Variants in INPP4B observed in about 807,000 individuals in gnomAD.
The protein encoded by INPP4B is inositol polyphosphate 4-phosphatase type II.
Under a neutral mutation model 122.5 loss-of-function variants are expected in INPP4B, and 55 were observed. The ratio of observed to expected loss-of-function variants is 0.45; its 90% confidence interval spans 0.36 to 0.56. The LOEUF (loss-of-function observed/expected upper bound fraction) is 0.56. INPP4B is among the 20% of genes least tolerant of loss of function. INPP4B has a pLI of 0.00. For synonymous variants in INPP4B, 403 were observed against 388.7 expected (o/e 1.04, Z -0.43); for missense variants, 1,000 against 1,097.7 (o/e 0.91, Z 1.26).
At chr4:142,429,353 A>G in intron 4 of INPP4B, 136 bp from the exon 5 acceptor site, 1 of 555,080 alleles carries the variant, frequency 1.8e-6, no homozygotes, top group Non-Finnish European at 3.2e-6. Context: ...TTGGTTTATC[A>G]GGGTTATAAA....
chr4:142,395,646 G>A (rs1799130085), intron 7 of INPP4B, among the ~76,000 whole-genome samples: 1 of 152,068 alleles, frequency 6.6e-6, no homozygotes, highest in African/African-American at 2.4e-5. Context: ...GCCAAGATGT[G>A]GAGACAACCT....
rs1162339043 is a variant in INPP4B at position 142,355,878 on chromosome 4, A to G, written c.373-41116T>C. On this transcript the variant is annotated intron_variant, in intron 7 of 25. Coordinates refer to ENST00000262992, the MANE Select transcript of INPP4B (RefSeq NM_001101669.3). ...GAGAGAAGCCTTTTTTTTTTTTAAC[A>G]TAAGGATAGCTTTGATCACTTCTTC... is the stretch of plus-strand genomic sequence containing the variant. 2.7e-5 allele frequency among the ~76,000 whole-genome samples: 4 copies of G among 150,874 alleles called. No homozygotes were observed. The East Asian group carries it at 5.9e-4, about 22-fold the overall frequency.
chr4:142,441,459 T>C (rs1004111660), intron 3 of INPP4B, among the ~76,000 whole-genome samples: 1 of 152,172 alleles, frequency 6.6e-6, no homozygotes, highest in Admixed American at 6.5e-5. Flanking sequence ...TAGTCAAGGA[T>C]AGTTAATTTA....
intron 2 of INPP4B, among the ~76,000 whole-genome samples, chr4:142,677,318 G>GCAAT (rs1757957709): frequency 6.6e-6 from 1 of 152,080 alleles, no homozygotes; most frequent in Non-Finnish European, 1.5e-5. Context: ...AGTTAGAATG[G>GCAAT]CAATCATTAA....
chr4:142,543,366 T>C (rs747440710), intron 2 of INPP4B, among the ~76,000 whole-genome samples: 6 of 152,188 alleles, frequency 3.9e-5, no homozygotes, highest in Non-Finnish European at 8.8e-5. Flanking sequence ...TGTTTCCAAG[T>C]AAATGAACTT....
chr4:142,123,682 C>T lies in INPP4B; in HGVS notation c.1894-267G>A, dbSNP rs138973260. The stretch of plus-strand genomic sequence containing the variant: ...ATAGGTCTTCAAATCTTATATCTAC[C>T]ATTTCTAACAGTAAATTCATAAACA... On this transcript the variant is annotated intron_variant, in intron 19 of 25. Transcript: ENST00000262992. Among the ~76,000 whole-genome samples the T allele has an allele frequency of 1.6e-4, 24 of 152,170 alleles. No individual in the cohort carries two copies. The South Asian group carries it at 4.1e-3, about 26-fold the overall frequency.
Position 142,358,260 on chromosome 4 carries a change from C to T in INPP4B, c.373-43498G>A, listed in dbSNP as rs567939821. ...TTATCTGAGGAATTTTTTAAAAATA[C>T]ATAGGCTTTATTCTAGAGGTATGCA... is the stretch of plus-strand genomic sequence containing the variant. On this transcript the variant is annotated intron_variant, in intron 7 of 25. Transcript: ENST00000262992. Among the ~76,000 whole-genome samples the T allele has an allele frequency of 6.6e-5, 10 of 152,002 alleles. No homozygotes were observed. In the South Asian group the frequency reaches 1.9e-3, roughly 28 times the overall value.
chr4:142,524,071 G>C (rs1194855201), intron 2 of INPP4B, among the ~76,000 whole-genome samples: 1 of 151,176 alleles, frequency 6.6e-6, no homozygotes, highest in Non-Finnish European at 1.5e-5. Flanking sequence ...TGGACATTTG[G>C]GATGGTTCCA....
At chr4:142,836,002 T>C (rs921090784) in intron 1 of INPP4B, among the ~76,000 whole-genome samples, 1 of 152,006 alleles carries the variant, frequency 6.6e-6, no homozygotes, top group African/African-American at 2.4e-5. Context: ...GAGTGAAGCA[T>C]GAAAAAAGAA....
chr4:142,538,030 T>G (rs931310603), intron 2 of INPP4B, among the ~76,000 whole-genome samples: 4 of 152,018 alleles, frequency 2.6e-5, no homozygotes, highest in Admixed American at 6.6e-5. Context: ...TTTTATACCT[T>G]AAAAAATAAC....
chr4:142,662,712 CT>C lies in INPP4B; in HGVS notation c.-191+63126del, dbSNP rs527243163. On this transcript the variant is annotated intron_variant, in intron 2 of 25. Coordinates refer to ENST00000262992, the MANE Select transcript of INPP4B (RefSeq NM_001101669.3). Reference sequence around the variant, plus strand: ...CCCTGAATGATTCCATGGAGAAAAACTGCCCACTAATCAGAAATATTCATGT... The same window carrying C: ...CCCTGAATGATTCCATGGAGAAAAACGCCCACTAATCAGAAATATTCATGT... Among the ~76,000 whole-genome samples, 24 of 152,286 alleles carry C rather than the reference CT, an allele frequency of 1.6e-4. No individual in the cohort carries two copies. The South Asian group carries it at 5.0e-3, about 32-fold the overall frequency.
chr4:142,257,199 C>T (rs1359026520), intron 11 of INPP4B, among the ~76,000 whole-genome samples: 2 of 152,080 alleles, frequency 1.3e-5, no homozygotes, highest in Admixed American at 1.3e-4. Flanking sequence ...ATTGACGGGA[C>T]GTATCTCAAA....
At chr4:142,523,237 C>T (rs1349882098) in intron 2 of INPP4B, among the ~76,000 whole-genome samples, 6 of 152,086 alleles carry the variant, frequency 3.9e-5, no homozygotes, top group Admixed American at 3.3e-4. Flanking sequence ...CTGACTCTGA[C>T]GTGTGGACCA....
intron 7 of INPP4B, among the ~76,000 whole-genome samples, chr4:142,391,516 C>T (rs143803158): frequency 6.6e-6 from 1 of 152,250 alleles, no homozygotes; most frequent in African/African-American, 2.4e-5. Context: ...AAGCCGAGAT[C>T]GTGCCACTGC....
At chr4:142,500,862 G>A (rs1341160671) in intron 2 of INPP4B, among the ~76,000 whole-genome samples, 2 of 152,104 alleles carry the variant, frequency 1.3e-5, no homozygotes, top group East Asian at 1.9e-4. Flanking sequence ...AATGGTAGTT[G>A]CCAGGGGTTA....
At chr4:142,830,637 T>C (rs1160943223) in intron 1 of INPP4B, among the ~76,000 whole-genome samples, 28 of 151,746 alleles carry the variant, frequency 1.8e-4, no homozygotes, top group Admixed American at 1.8e-3. Flanking sequence ...CACATAGAGA[T>C]CCCTGAGACT....
intron 2 of INPP4B, among the ~76,000 whole-genome samples, chr4:142,571,315 A>G (rs1451830335): frequency 6.6e-6 from 1 of 152,116 alleles, no homozygotes; most frequent in African/African-American, 2.4e-5. Flanking sequence ...AAATTTGTGT[A>G]AAGATGTAAA....
At chr4:142,097,270 T>A (rs1302530838) in intron 23 of INPP4B, among the ~76,000 whole-genome samples, 3 of 42,370 alleles carry the variant, frequency 7.1e-5, no homozygotes, top group East Asian at 5.8e-4. Context: ...ATTTTATTTT[T>A]TGAGACGGAG....
At chr4:142,339,775 TCTCC>T (rs931832514) in intron 7 of INPP4B, among the ~76,000 whole-genome samples, 11 of 152,142 alleles carry the variant, frequency 7.2e-5, no homozygotes, top group African/African-American at 2.7e-4. Context: ...TTTTTTTCTC[TCTCC>T]CTAAGAAAAA....
Sources: allele counts gnomAD v4.1 joint callset (sites outside exome capture counted in the v4.1 genomes callset), GRCh38; gene constraint gnomAD v4.1.1; transcripts MANE v1.5; gene names NCBI Gene and HGNC (gene_info 2026-07-23, HGNC 2026-07-21).